TTLL5: variants seen among roughly 807,000 people sequenced by gnomAD.
The protein encoded by TTLL5 is tubulin polyglutamylase TTLL5.
TTLL5 carries 132 observed loss-of-function variants against 168.4 expected under a neutral mutation model. That is an observed-to-expected ratio of 0.78 (90% CI 0.68 to 0.91). The LOEUF is 0.91. TTLL5 is among the 40% of genes least tolerant of loss of function. The pLI is 0.00. For missense variants in TTLL5, 1,545 were observed against 1,581.5 expected (o/e 0.98, Z 0.39); for synonymous variants, 546 against 558.6 (o/e 0.98, Z 0.32).
chr14:75,802,675 A>C (rs1417238510), intron 27 of TTLL5, among the ~76,000 whole-genome samples: 1 of 152,248 alleles, frequency 6.6e-6, no homozygotes, highest in Non-Finnish European at 1.5e-5. Flanking sequence ...TGGGGATGAT[A>C]TAACACATAG....
At position 75,721,357 on chromosome 14, in the gene TTLL5, A is replaced by G. The variant is rs117500053; in HGVS notation, c.1042+654A>G. On this transcript the variant is annotated intron_variant, in intron 12 of 31. Coordinates refer to ENST00000298832, the MANE Select transcript of TTLL5 (RefSeq NM_015072.5). ...CTATGGACATTGCTTCCTATGTGGA[A>G]ATGAATGGGTTTGTGATTGCCCATG... 2.8e-3 allele frequency among the ~76,000 whole-genome samples: 432 copies of G among 152,280 alleles called. 5 individuals are homozygous for G. Among genetic ancestry groups the G allele is most frequent in the Non-Finnish European group, 4.6e-3 (313 of 68,018 alleles).
intron 31 of TTLL5, among the ~76,000 whole-genome samples, chr14:75,932,202 G>T (rs2034298437): frequency 6.6e-6 from 1 of 152,108 alleles, no homozygotes; most frequent in African/African-American, 2.4e-5. Context: ...GAAACTCCAT[G>T]CATCTTTGTA....
intron 12 of TTLL5, among the ~76,000 whole-genome samples, chr14:75,722,798 GAGCTACCA>G (rs1887927665): frequency 6.6e-6 from 1 of 152,158 alleles, no homozygotes; most frequent in African/African-American, 2.4e-5. Flanking sequence ...TTACAGGCAT[GAGCTACCA>G]TGTAAGCCCT....
intron 28 of TTLL5, among the ~76,000 whole-genome samples, chr14:75,856,294 C>A (rs1294152311): frequency 6.6e-6 from 1 of 152,076 alleles, no homozygotes; most frequent in Non-Finnish European, 1.5e-5. Context: ...ACCCAGGAGG[C>A]GGAAGTTGCA....
intron 31 of TTLL5, among the ~76,000 whole-genome samples, chr14:75,911,456 A>AT (rs1172172467): frequency 6.6e-6 from 1 of 152,172 alleles, no homozygotes; most frequent in Non-Finnish European, 1.5e-5. Context: ...AACCAACCTG[A>AT]TTTTAAGATG....
intron 21 of TTLL5, among the ~76,000 whole-genome samples, chr14:75,774,644 AC>A (rs1287158405): frequency 6.6e-6 from 1 of 151,356 alleles, no homozygotes; most frequent in Non-Finnish European, 1.5e-5. Flanking sequence ...TTGACATGGA[AC>A]CCTTTCTTCA....
At chr14:75,701,644 T>C (rs1251501619) in intron 7 of TTLL5, among the ~76,000 whole-genome samples, 2 of 152,216 alleles carry the variant, frequency 1.3e-5, no homozygotes, top group East Asian at 3.8e-4. Context: ...TTGTGTGTAC[T>C]GGTGATAAGG....
At chr14:75,910,608 A>G (rs2033337357) in intron 31 of TTLL5, among the ~76,000 whole-genome samples, 1 of 152,230 alleles carries the variant, frequency 6.6e-6, no homozygotes, top group Non-Finnish European at 1.5e-5. Context: ...AGAAAATGAC[A>G]TGCTAAGCCA....
At chr14:75,791,111 A>AAAAAG in intron 26 of TTLL5, among the ~76,000 whole-genome samples, 1 of 150,566 alleles carries the variant, frequency 6.6e-6, no homozygotes, top group African/African-American at 2.4e-5. Context: ...GTCTCAAAAA[A>AAAAAG]AAAAAAAAAA....
At chr14:75,773,969 G>GAGAA (rs1566598284) in intron 21 of TTLL5, among the ~76,000 whole-genome samples, 23 of 126,248 alleles carry the variant, frequency 1.8e-4, no homozygotes, top group African/African-American at 7.8e-4. Context: ...GAGAGAGAGA[G>GAGAA]AGAGAGAGAG....
chr14:75,713,986 A>G (rs993827765), intron 9 of TTLL5, among the ~76,000 whole-genome samples: 1 of 152,008 alleles, frequency 6.6e-6, no homozygotes, highest in African/African-American at 2.4e-5. Flanking sequence ...AAAGGATCCA[A>G]TCAAGGATCA....
rs200647831 is a variant in TTLL5 at position 75,776,866 on chromosome 14, G to A, written c.2387+16G>A. On this transcript the variant is annotated intron_variant, in intron 23 of 31. Transcript: ENST00000298832. ...GACAAGCAAGGTAGTAGACATTCTT[G>A]ATTGATAAAAGCTGTCTTATTCCAT... 2.4e-5 allele frequency: 39 copies of A among 1,592,910 alleles called. No individual in the cohort carries two copies. The highest frequency in any genetic ancestry group is 2.6e-6 in the Non-Finnish European group (3 of 1,162,560).
chr14:75,707,539 T>C, intron 8 of TTLL5, 84 bp from the exon 9 acceptor site: 1 of 1,207,660 alleles, frequency 8.3e-7, no homozygotes, highest in South Asian at 1.4e-5. Context: ...CTTTCTTTCA[T>C]GTTTCTTGGT....
At chr14:75,687,137 C>T (rs1308407631) in intron 5 of TTLL5, among the ~76,000 whole-genome samples, 1 of 151,956 alleles carries the variant, frequency 6.6e-6, no homozygotes, top group East Asian at 1.9e-4. Context: ...GGGTCATAGA[C>T]CTAAAAATAA....
chr14:75,894,267 G>A (rs1234807481), intron 30 of TTLL5, among the ~76,000 whole-genome samples: 1 of 152,096 alleles, frequency 6.6e-6, no homozygotes, highest in Admixed American at 6.6e-5. Context: ...TAGAAGCAAA[G>A]GAGGCTGGGC....
chr14:75,775,698 GC>G (rs775967996), intron 22 of TTLL5, 68 bp downstream of exon 22: 21 of 1,561,982 alleles, frequency 1.3e-5, no homozygotes, highest in Non-Finnish European at 1.7e-5. Flanking sequence ...CTAGATAGAA[GC>G]CTCTGTCCAA....
chr14:75,821,588 G>A (rs1356514491), intron 28 of TTLL5, among the ~76,000 whole-genome samples: 1 of 152,198 alleles, frequency 6.6e-6, no homozygotes, highest in Non-Finnish European at 1.5e-5. Flanking sequence ...TTGAGTTTTA[G>A]CACTTTTTAT....
At position 75,827,145 on chromosome 14, in the gene TTLL5, G is replaced by A. The variant is rs371287287; in HGVS notation, c.3326+6984G>A. Reference sequence around the variant, plus strand: ...AGCTGCTTTGTGGGACAAAGTTTTGGTATAGGCTCTTAGTAGCTAAGTCTT... The same window carrying A: ...AGCTGCTTTGTGGGACAAAGTTTTGATATAGGCTCTTAGTAGCTAAGTCTT... On this transcript the variant is annotated intron_variant, in intron 28 of 31. Transcript: ENST00000298832. 1.4e-4 allele frequency among the ~76,000 whole-genome samples: 22 copies of A among 152,266 alleles called. No homozygotes were observed. In the East Asian group the frequency reaches 4.2e-3, roughly 29 times the overall value.
rs114655115 is a variant in TTLL5 at position 75,867,377 on chromosome 14, C to T, written c.3522+3515C>T. Among the ~76,000 whole-genome samples the T allele has an allele frequency of 3.3e-3, 506 of 152,266 alleles. 4 individuals are homozygous for T. Among genetic ancestry groups the T allele is most frequent in the African/African-American group, 0.011 (471 of 41,558 alleles). On this transcript the variant is annotated intron_variant, in intron 29 of 31. Coordinates refer to ENST00000298832, the MANE Select transcript of TTLL5 (RefSeq NM_015072.5). ...ACCTAATGAATAGGCAGAATCCTCC[C>T]TTTTTGTTTTAATAATAATAGCCAC... is the stretch of plus-strand genomic sequence containing the variant.
Sources: gnomAD v4.1 joint callset for allele counts (sites outside exome capture counted in the v4.1 genomes callset) on GRCh38, gnomAD v4.1.1 for gene constraint, MANE v1.5 for transcripts, NCBI Gene and HGNC (gene_info 2026-07-23, HGNC 2026-07-21) for gene names.